GRK4: variants seen among roughly 807,000 people sequenced by gnomAD.
GRK4 encodes the protein G protein-coupled receptor kinase 2-like.
Under a neutral mutation model 77.9 loss-of-function variants are expected in GRK4, and 73 were observed. That is an observed-to-expected ratio of 0.94 (90% confidence interval 0.78 to 1.14). The LOEUF (loss-of-function observed/expected upper bound fraction) is 1.14. Among genes scored for constraint, GRK4 ranks in the 50% most tolerant of loss-of-function variants. The pLI is 0.00. For missense variants in GRK4, 729 were observed against 700.2 expected (o/e 1.04, Z -0.46); for synonymous variants, 257 against 254.4 (o/e 1.01, Z -0.10).
intron 2 of GRK4, among the ~76,000 whole-genome samples, chr4:2,985,230 C>G (rs563634296): frequency 2.6e-4 from 40 of 151,338 alleles, no homozygotes; most frequent in African/African-American, 8.7e-4. Flanking sequence ...GAAACCCCGT[C>G]TCTACTAAAA....
intron 2 of GRK4, among the ~76,000 whole-genome samples, chr4:2,986,062 G>T (rs1724261842): frequency 6.7e-6 from 1 of 148,580 alleles, no homozygotes; most frequent in African/African-American, 2.5e-5. Flanking sequence ...TTTAACAATA[G>T]AATTTTCAGT....
chr4:3,026,043 G>A (rs538739515), intron 10 of GRK4, among the ~76,000 whole-genome samples: 6 of 152,330 alleles, frequency 3.9e-5, no homozygotes, highest in Non-Finnish European at 5.9e-5. Flanking sequence ...GCTGGTAAGC[G>A]TGTCATCTCC....
Position 2,997,511 on chromosome 4 carries a change from C to T in GRK4, c.339+5219C>T, listed in dbSNP as rs115757158. On this transcript the variant is annotated intron_variant, in intron 4 of 15. Transcript: ENST00000398052. ...ATGAGCTTTGAGGGGAAGGGACCAACGTTCAAATGATAGCACTTGATAATA... is the reference window on the plus strand; with the variant it reads ...ATGAGCTTTGAGGGGAAGGGACCAATGTTCAAATGATAGCACTTGATAATA... Among the ~76,000 whole-genome samples, 509 of 152,202 alleles carry T rather than the reference C, an allele frequency of 3.3e-3. 4 individuals are homozygous for T. Among genetic ancestry groups the T allele is most frequent in the Non-Finnish European group, 5.6e-3 (381 of 68,018 alleles).
chr4:3,016,715 CA>C (rs71180110), intron 8 of GRK4, among the ~76,000 whole-genome samples: 120 of 130,268 alleles, frequency 9.2e-4, no homozygotes, highest in East Asian at 6.5e-3. Context: ...CAAAGCAAAA[CA>C]AAAAAAAAAA....
intron 9 of GRK4, among the ~76,000 whole-genome samples, chr4:3,021,440 A>T (rs1736052164): frequency 6.6e-6 from 1 of 152,090 alleles, no homozygotes; most frequent in African/African-American, 2.4e-5. Context: ...GGAGTCCTTG[A>T]TCTCATTTCT....
intron 2 of GRK4, 120 bp downstream of exon 2, chr4:2,984,728 T>C: frequency 2.1e-6 from 1 of 465,152 alleles, no homozygotes; most frequent in Non-Finnish European, 3.8e-6. Flanking sequence ...ATTCTCCTTA[T>C]ATCTTCATGA....
intron 6 of GRK4, among the ~76,000 whole-genome samples, chr4:3,009,294 C>T (rs1055974902): frequency 1.3e-5 from 2 of 151,698 alleles, no homozygotes; most frequent in South Asian, 2.1e-4. Flanking sequence ...TAGTGGCAGG[C>T]GCCTGTAATC....
intron 15 of GRK4, 39 bp downstream of exon 15, chr4:3,038,552 GA>G (rs11451355): frequency 0.014 from 18,536 of 1,316,958 alleles, 9 homozygotes; most frequent in Middle Eastern, 0.021. Flanking sequence ...GTGTGTATGT[GA>G]AAAAAAAAAA....
intron 7 of GRK4, among the ~76,000 whole-genome samples, chr4:3,010,414 AG>A (rs1732560684): frequency 6.6e-6 from 1 of 151,984 alleles, no homozygotes; most frequent in Non-Finnish European, 1.5e-5. Context: ...TTTAGTAGAG[AG>A]GGGGTTTCTC....
chr4:3,037,466 T>A lies in GRK4; in HGVS notation c.1500T>A (p.Tyr500Ter), dbSNP rs1486895432. The A allele has an allele frequency of 6.2e-7, 1 of 1,611,166 alleles. No individual in the cohort carries two copies. Among genetic ancestry groups the A allele is most frequent in the East Asian group, 2.2e-5 (1 of 44,792 alleles). The change falls in exon 14 of 16, where the codon TAT (tyrosine) becomes TAA (stop). Residue 500 changes from tyrosine (Y) to a stop codon, truncating the protein, a stop_gained. Coordinates refer to ENST00000398052, the MANE Select transcript of GRK4 (RefSeq NM_182982.3). LOFTEE classifies it high-confidence loss of function. ...TGGACACCGCAGATGAAGACTTCTA[T>A]GCTCGGTTTGCTACCGGGTGTGTCT... ...IYLDTADEDFYARFATGCVSI... is the reference protein window; with the variant it reads ...IYLDTADEDF
chr4:2,970,072 A>G (rs943356706), intron 1 of GRK4, among the ~76,000 whole-genome samples: 3 of 152,230 alleles, frequency 2.0e-5, no homozygotes, highest in Non-Finnish European at 4.4e-5. Context: ...GAAGTAATCT[A>G]TGTAGTAGTC....
At chr4:3,028,753 T>C (rs943628919) in intron 11 of GRK4, among the ~76,000 whole-genome samples, 8 of 151,412 alleles carry the variant, frequency 5.3e-5, no homozygotes, top group African/African-American at 1.9e-4. Flanking sequence ...CATGCAACCA[T>C]CACCACCATC....
chr4:2,983,689 TATCTC>T (rs1354999575), intron 1 of GRK4, among the ~76,000 whole-genome samples: 1 of 152,202 alleles, frequency 6.6e-6, no homozygotes, highest in Non-Finnish European at 1.5e-5. Flanking sequence ...ATTTTTTTCT[TATCTC>T]TTATCATTAT....
chr4:3,021,185 C>G (rs955960420), intron 9 of GRK4, among the ~76,000 whole-genome samples: 4 of 152,164 alleles, frequency 2.6e-5, no homozygotes, highest in Admixed American at 2.0e-4. Flanking sequence ...CTGCCCTCAT[C>G]ATGCGAGGGT....
At position 3,029,217 on chromosome 4, in the gene GRK4, TAATG is replaced by T. The variant is rs1738458528; in HGVS notation, c.1080_1083del (p.Asn360LysfsTer15). On this transcript the variant is annotated frameshift_variant, in exon 12 of 16. Coordinates refer to ENST00000398052, the MANE Select transcript of GRK4 (RefSeq NM_182982.3). LOFTEE classifies it high-confidence loss of function. ...GTTATGTAGCACCTGAAGTTGTCAA[TAATG>T]AAAAGTATACGTTTAGTCCCGATTG... The T allele has an allele frequency of 1.2e-6, 2 of 1,612,220 alleles. No homozygotes were observed. Among genetic ancestry groups the T allele is most frequent in the Non-Finnish European group, 1.7e-6 (2 of 1,178,660 alleles).
intron 1 of GRK4, chr4:2,969,044 G>A (rs1003509338): frequency 5.9e-5 from 9 of 152,138 alleles, no homozygotes; most frequent in African/African-American, 1.7e-4. Context: ...ACCAACAAAG[G>A]GCCATTGCAA....
intron 4 of GRK4, among the ~76,000 whole-genome samples, chr4:2,999,558 C>G (rs1305650203): frequency 6.6e-6 from 1 of 152,190 alleles, no homozygotes; most frequent in Non-Finnish European, 1.5e-5. Flanking sequence ...ATAGATGGTA[C>G]TGGAACAACT....
At chr4:3,004,754 G>A (rs573531024) in intron 5 of GRK4, among the ~76,000 whole-genome samples, 1 of 152,124 alleles carries the variant, frequency 6.6e-6, no homozygotes. Context: ...TCATCTGCAC[G>A]TTGAGGAGGC....
At chr4:3,015,472 G>A (rs376825933) in intron 8 of GRK4, among the ~76,000 whole-genome samples, 1 of 151,968 alleles carries the variant, frequency 6.6e-6, no homozygotes, top group Admixed American at 6.6e-5. Flanking sequence ...TCAGGAGATC[G>A]AGACCCTCCT....
Sources: gnomAD v4.1 joint callset for allele counts (sites outside exome capture counted in the v4.1 genomes callset) on GRCh38, gnomAD v4.1.1 for gene constraint, MANE v1.5 for transcripts, NCBI Gene and HGNC (gene_info 2026-07-23, HGNC 2026-07-21) for gene names.